Variants in SCFD2 observed in about 807,000 individuals in gnomAD.
SCFD2 encodes sec1 family domain containing 2, also known as sec1 family domain-containing protein 2.
Under a neutral mutation model 58.9 loss-of-function variants are expected in SCFD2, and 54 were observed. The ratio of observed to expected loss-of-function variants is 0.92; its 90% CI spans 0.74 to 1.15. The LOEUF is 1.15. SCFD2 is among the 50% of genes most tolerant of loss of function. The pLI is 0.00. For missense variants in SCFD2, 805 were observed against 836.6 expected (o/e 0.96, Z 0.47); for synonymous variants, 321 against 335.9 (o/e 0.96, Z 0.49).
chr4:53,139,047 T>C (rs1414596508), intron 5 of SCFD2, among the ~76,000 whole-genome samples: 1 of 152,152 alleles, frequency 6.6e-6, no homozygotes, highest in Non-Finnish European at 1.5e-5. Context: ...GTTTTTGTAT[T>C]TTTTGGGAAG....
intron 7 of SCFD2, among the ~76,000 whole-genome samples, chr4:52,905,956 T>C (rs1484509716): frequency 3.3e-5 from 5 of 152,200 alleles, no homozygotes; most frequent in Admixed American, 1.3e-4. Flanking sequence ...AGTCCATTAG[T>C]GTATTAAAGG....
intron 5 of SCFD2, among the ~76,000 whole-genome samples, chr4:53,139,335 C>G (rs899184779): frequency 2.0e-5 from 3 of 150,198 alleles, no homozygotes; most frequent in Non-Finnish European, 4.5e-5. Context: ...GGCCGCCCAT[C>G]GTCTGGGATG....
At chr4:53,084,729 T>C (rs1436227006) in intron 5 of SCFD2, among the ~76,000 whole-genome samples, 1 of 152,212 alleles carries the variant, frequency 6.6e-6, no homozygotes, top group Non-Finnish European at 1.5e-5. Flanking sequence ...GATGCAAGGA[T>C]GGTTCAGCTT....
intron 2 of SCFD2, among the ~76,000 whole-genome samples, chr4:53,331,074 A>G (rs2149132050): frequency 6.6e-6 from 1 of 152,110 alleles, no homozygotes; most frequent in East Asian, 1.9e-4. Flanking sequence ...CACCCAATAC[A>G]GGAGCACCGA....
intron 3 of SCFD2, among the ~76,000 whole-genome samples, chr4:53,297,132 G>A (rs1310343437): frequency 6.6e-6 from 1 of 152,192 alleles, no homozygotes; most frequent in Non-Finnish European, 1.5e-5. Context: ...GAGGTGGAGA[G>A]TTCTGCAGAT....
At chr4:53,324,905 A>C (rs1733139204) in intron 2 of SCFD2, among the ~76,000 whole-genome samples, 1 of 152,220 alleles carries the variant, frequency 6.6e-6, no homozygotes. Flanking sequence ...TTGTTAATAC[A>C]AATATTGATA....
chr4:53,086,454 C>T (rs1312107109), intron 5 of SCFD2, among the ~76,000 whole-genome samples: 2 of 152,136 alleles, frequency 1.3e-5, no homozygotes, highest in Admixed American at 1.3e-4. Context: ...AGCACAACCA[C>T]TATGGAGAAC....
intron 3 of SCFD2, among the ~76,000 whole-genome samples, chr4:53,290,925 A>T (rs1448326735): frequency 6.6e-6 from 1 of 152,148 alleles, no homozygotes; most frequent in African/African-American, 2.4e-5. Flanking sequence ...TGAACAGACC[A>T]ATAACAAATA....
At chr4:53,027,657 G>A (rs1005571197) in intron 5 of SCFD2, among the ~76,000 whole-genome samples, 2 of 151,942 alleles carry the variant, frequency 1.3e-5, no homozygotes, top group African/African-American at 4.8e-5. Flanking sequence ...GCAAAACCCT[G>A]CCTTTACAAA....
intron 3 of SCFD2, among the ~76,000 whole-genome samples, chr4:53,301,098 T>C (rs1577948167): frequency 1.3e-5 from 2 of 151,718 alleles, no homozygotes; most frequent in East Asian, 3.9e-4. Context: ...ATAACTAAGA[T>C]CAGAGCAGAA....
intron 5 of SCFD2, among the ~76,000 whole-genome samples, chr4:53,005,929 G>T (rs1577654593): frequency 6.6e-6 from 1 of 152,232 alleles, no homozygotes; most frequent in African/African-American, 2.4e-5. Flanking sequence ...CCTACTGAGT[G>T]TTATGCACTC....
chr4:52,923,635 G>T (rs534564690), intron 5 of SCFD2, among the ~76,000 whole-genome samples: 79 of 152,212 alleles, frequency 5.2e-4, no homozygotes, highest in African/African-American at 1.9e-3. Context: ...CAGGAAGTTC[G>T]TGGGAACTTC....
chr4:53,007,364 A>AG, intron 5 of SCFD2, among the ~76,000 whole-genome samples: 1 of 92,238 alleles, frequency 1.1e-5, no homozygotes, highest in Non-Finnish European at 2.3e-5. Context: ...AAAGAAAGAG[A>AG]GAAAGAAGGA....
intron 4 of SCFD2, among the ~76,000 whole-genome samples, chr4:53,264,753 G>C (rs561922549): frequency 8.0e-4 from 122 of 152,240 alleles, no homozygotes; most frequent in African/African-American, 2.8e-3. Context: ...CTATTACTTA[G>C]CTTAGGTAAA....
chr4:53,318,862 T>A (rs1015989072), intron 2 of SCFD2, among the ~76,000 whole-genome samples: 27 of 152,340 alleles, frequency 1.8e-4, no homozygotes, highest in South Asian at 1.0e-3. Context: ...AAACTTCTTA[T>A]ATCTCATTTG....
At chr4:53,361,617 G>A (rs1051153919) in intron 1 of SCFD2, among the ~76,000 whole-genome samples, 6 of 152,086 alleles carry the variant, frequency 3.9e-5, no homozygotes, top group Non-Finnish European at 7.4e-5. Context: ...GGCTGTTCTT[G>A]AATTCCTAGG....
Position 52,899,797 on chromosome 4 carries a change from T to C in SCFD2, c.1842+7660A>G, listed in dbSNP as rs945154533. Among the ~76,000 whole-genome samples, 6 of 152,344 alleles carry C rather than the reference T, an allele frequency of 3.9e-5. No individual in the cohort carries two copies. In the South Asian group the frequency reaches 6.2e-4, roughly 16 times the overall value. Reference sequence around the variant, plus strand: ...CACTTTCAGGTACATCAGTTAGACGTAGATTTGGTCTTTTCATATAGTCCC... The same window carrying C: ...CACTTTCAGGTACATCAGTTAGACGCAGATTTGGTCTTTTCATATAGTCCC... On this transcript the variant is annotated intron_variant, in intron 7 of 8. Transcript: ENST00000401642.
intron 2 of SCFD2, among the ~76,000 whole-genome samples, chr4:53,330,026 G>A (rs1453083892): frequency 2.0e-5 from 3 of 151,652 alleles, no homozygotes; most frequent in East Asian, 3.9e-4. Flanking sequence ...GAAATGAAGC[G>A]AGAAGGGAAG....
At chr4:53,155,936 T>C (rs1726666000) in intron 4 of SCFD2, among the ~76,000 whole-genome samples, 1 of 152,230 alleles carries the variant, frequency 6.6e-6, no homozygotes, top group African/African-American at 2.4e-5. Flanking sequence ...TTTGCACTAA[T>C]AGTGTAAAAG....
Sources: allele counts gnomAD v4.1 joint callset (sites outside exome capture counted in the v4.1 genomes callset), GRCh38; gene constraint gnomAD v4.1.1; transcripts MANE v1.5; gene names NCBI Gene and HGNC (gene_info 2026-07-23, HGNC 2026-07-21).